The following SLC38A6 variants were observed in gnomAD, a reference collection of about 807,000 sequenced individuals.
SLC38A6 encodes the protein solute carrier family 38 member 6.
In SLC38A6, 73 loss-of-function variants were observed where a neutral mutation model predicts 65.0. The ratio of observed to expected loss-of-function variants is 1.12; its 90% CI spans 0.93 to 1.37. SLC38A6 has a LOEUF of 1.37. Among genes scored for constraint, SLC38A6 ranks in the 40% most tolerant of loss-of-function variants. The pLI, the probability that SLC38A6 is intolerant of heterozygous loss-of-function variation, is 0.00. For synonymous variants in SLC38A6, 183 were observed against 178.8 expected, an observed-to-expected ratio of 1.02 and a Z score of -0.19; for missense variants, 561 against 531.1, an observed-to-expected ratio of 1.06 and a Z score of -0.55.
At chr14:61,078,755 T>A (rs1391309447) in intron 15 of SLC38A6, 8 of 173,200 alleles carry the variant, frequency 4.6e-5, no homozygotes, top group South Asian at 3.8e-4. Context: ...TTATTTAATT[T>A]ATTTATTTTT....
chr14:61,069,551 AG>A (rs2043153512), intron 15 of SLC38A6, among the ~76,000 whole-genome samples: 1 of 152,062 alleles, frequency 6.6e-6, no homozygotes, highest in Non-Finnish European at 1.5e-5. Context: ...TCCCACTTCC[AG>A]GTACATACCC....
intron 8 of SLC38A6, among the ~76,000 whole-genome samples, chr14:61,039,981 A>G (rs1476495744): frequency 1.3e-5 from 2 of 152,066 alleles, no homozygotes; most frequent in Non-Finnish European, 2.9e-5. Context: ...ATATTTTGCA[A>G]TTTTAAAAAT....
chr14:61,061,011 G>A (rs1026556326), intron 15 of SLC38A6, among the ~76,000 whole-genome samples: 6 of 151,640 alleles, frequency 4.0e-5, no homozygotes, highest in Non-Finnish European at 4.4e-5. Flanking sequence ...ACTGGCCTGC[G>A]CCCACTGTCT....
At chr14:61,019,356 G>A (rs1004972624) in intron 4 of SLC38A6, among the ~76,000 whole-genome samples, 185 bp from the exon 5 acceptor site, 1 of 152,102 alleles carries the variant, frequency 6.6e-6, no homozygotes, top group Non-Finnish European at 1.5e-5. Context: ...AACTATTAAA[G>A]AAATACTTTT....
chr14:61,026,107 G>C lies in SLC38A6; in HGVS notation c.404-4338G>C, dbSNP rs546404922. ...AAAAAGATTCTTATCTTCATAAACT[G>C]TAATGATGTCTTAGGCCCAAACTCC... On this transcript the variant is annotated intron_variant, in intron 5 of 15. Transcript: ENST00000267488. Among the ~76,000 whole-genome samples, 114 of 152,168 alleles carry C rather than the reference G, an allele frequency of 7.5e-4. 1 individual carries two copies. The highest frequency in any genetic ancestry group is 1.3e-3 in the Non-Finnish European group (86 of 67,978).
At chr14:61,005,217 C>T (rs2039003913) in intron 3 of SLC38A6, among the ~76,000 whole-genome samples, 1 of 151,854 alleles carries the variant, frequency 6.6e-6, no homozygotes. Flanking sequence ...AAACCCACAG[C>T]CAATATCATA....
chr14:61,075,623 C>T (rs1405153634), intron 15 of SLC38A6, among the ~76,000 whole-genome samples: 2 of 152,094 alleles, frequency 1.3e-5, no homozygotes, highest in East Asian at 3.8e-4. Context: ...TTTTTAGAGA[C>T]AAGAGACCAG....
At chr14:61,046,221 C>G in intron 12 of SLC38A6, 54 bp downstream of exon 12, 2 of 1,165,118 alleles carry the variant, frequency 1.7e-6, no homozygotes, top group Non-Finnish European at 2.5e-6. Context: ...TAGATGGCCT[C>G]ACGCCAATCT....
At chr14:61,037,599 C>G (rs1245498859) in intron 7 of SLC38A6, 26 bp from the exon 8 acceptor site, 4 of 1,512,756 alleles carry the variant, frequency 2.6e-6, no homozygotes, top group Non-Finnish European at 3.6e-6. Context: ...TTATAAATTG[C>G]TTTTTATTTT....
chr14:60,987,787 G>C (rs2139691385), intron 3 of SLC38A6, among the ~76,000 whole-genome samples: 1 of 152,314 alleles, frequency 6.6e-6, no homozygotes, highest in East Asian at 1.9e-4. Context: ...CAACTGGAGA[G>C]AGTGAGAGTC....
intron 8 of SLC38A6, among the ~76,000 whole-genome samples, chr14:61,039,324 A>G (rs2041627007): frequency 6.6e-6 from 1 of 152,122 alleles, no homozygotes; most frequent in African/African-American, 2.4e-5. Context: ...AATACTCTGT[A>G]TGCTTTTTTA....
chr14:61,043,083 C>T (rs746100108), intron 8 of SLC38A6, 64 bp from the exon 9 acceptor site: 11 of 1,033,156 alleles, frequency 1.1e-5, no homozygotes, highest in Non-Finnish European at 1.6e-5. Flanking sequence ...TGACCTATTT[C>T]AATTCAGTTT....
At chr14:61,014,843 G>C (rs559035407) in intron 3 of SLC38A6, among the ~76,000 whole-genome samples, 2 of 152,320 alleles carry the variant, frequency 1.3e-5, no homozygotes, top group East Asian at 3.9e-4. Context: ...GGACCCACTT[G>C]AGGAGGCATT....
intron 3 of SLC38A6, among the ~76,000 whole-genome samples, chr14:61,015,009 C>T (rs527266502): frequency 6.6e-6 from 1 of 152,314 alleles, no homozygotes; most frequent in South Asian, 2.1e-4. Context: ...CGCAGGGCTC[C>T]TTGAGCTGTG....
intron 15 of SLC38A6, among the ~76,000 whole-genome samples, chr14:61,071,062 T>G (rs2043210525): frequency 6.6e-6 from 1 of 152,174 alleles, no homozygotes; most frequent in South Asian, 2.1e-4. Flanking sequence ...ACTTGTCTAT[T>G]TTTGATTTAG....
Position 61,012,388 on chromosome 14 carries a change from G to T in SLC38A6, c.311-3516G>T, listed in dbSNP as rs142949431. ...GTTTTTTGTGTCTCTATTTCCTTCA[G>T]TTCTGCTCTGATCTTAGTTATTTCT... On this transcript the variant is annotated intron_variant, in intron 3 of 15. Coordinates refer to ENST00000267488, the MANE Select transcript of SLC38A6 (RefSeq NM_153811.3). 8.5e-3 allele frequency among the ~76,000 whole-genome samples: 1,291 copies of T among 152,138 alleles called. 21 individuals carry two copies. The highest frequency in any genetic ancestry group is 0.029 in the African/African-American group (1,219 of 41,508).
At chr14:61,029,533 T>G (rs1203330492) in intron 5 of SLC38A6, among the ~76,000 whole-genome samples, 1 of 152,206 alleles carries the variant, frequency 6.6e-6, no homozygotes, top group Non-Finnish European at 1.5e-5. Flanking sequence ...CTACAAATCT[T>G]CTGAGTTTCT....
At chr14:61,023,011 T>C (rs1384085790) in intron 5 of SLC38A6, among the ~76,000 whole-genome samples, 3 of 152,206 alleles carry the variant, frequency 2.0e-5, no homozygotes, top group Non-Finnish European at 4.4e-5. Context: ...ACAGGAACTA[T>C]GTGTTTTTAT....
At chr14:60,990,133 C>T (rs1024161316) in intron 3 of SLC38A6, among the ~76,000 whole-genome samples, 1 of 151,804 alleles carries the variant, frequency 6.6e-6, no homozygotes, top group African/African-American at 2.4e-5. Flanking sequence ...AGGGTTCAAG[C>T]GATTCTCCTG....
Sources: allele counts gnomAD v4.1 joint callset (sites outside exome capture counted in the v4.1 genomes callset), GRCh38; gene constraint gnomAD v4.1.1; transcripts MANE v1.5; gene names NCBI Gene and HGNC (gene_info 2026-07-23, HGNC 2026-07-21).